Variants in RYR2 observed in about 807,000 individuals in gnomAD.
RYR2 encodes cardiac muscle ryanodine receptor-calcium release channel.
RYR2 carries 227 observed loss-of-function variants against 601.1 expected under a neutral mutation model. The observed-to-expected ratio is 0.38, with a 90% confidence interval of 0.34 to 0.42. RYR2 has a LOEUF of 0.42. Among genes scored for constraint, RYR2 ranks in the 10% least tolerant of loss-of-function variants. The probability of loss-of-function intolerance (pLI) is 1.00; values close to 1 mark genes in which losing one functional copy is unlikely to be tolerated. For synonymous variants in RYR2, 2,223 were observed against 2,175.1 expected, an observed-to-expected ratio of 1.02 and a Z score of -0.61; for missense variants, 4,646 against 6,156.5, an observed-to-expected ratio of 0.75 and a Z score of 8.21.
In RYR2 at chr1:237,512,754, C is replaced by T. The variant is rs1385545918; in HGVS notation, c.2822+963C>T. 2.6e-5 allele frequency among the ~76,000 whole-genome samples: 4 copies of T among 152,114 alleles called. No individual in the cohort carries two copies. In the East Asian group the frequency reaches 7.7e-4, roughly 29 times the overall value. ...TGGGCATAATGGCGCACACCTGAGT[C>T]CCAGCTACTTGGAGGCTGAGGTGGG... On this transcript the variant is annotated intron_variant, in intron 24 of 104. Coordinates refer to ENST00000366574, the MANE Select transcript of RYR2 (RefSeq NM_001035.3).
In RYR2 at chr1:237,093,851, G is replaced by A. The variant is rs142102730; in HGVS notation, c.48+51282G>A. Among the ~76,000 whole-genome samples the A allele has an allele frequency of 2.3e-3, 354 of 152,310 alleles. 1 individual carries two copies. The highest frequency in any genetic ancestry group is 3.6e-3 in the Non-Finnish European group (246 of 68,032). On this transcript the variant is annotated intron_variant, in intron 1 of 104. Coordinates refer to ENST00000366574, the MANE Select transcript of RYR2 (RefSeq NM_001035.3). ...CTGTGTTTCCTGGGGTTCTTCTCAC[G>A]CTGCTGTGAATTAGGCCACCTTGAA... is the stretch of plus-strand genomic sequence containing the variant.
rs1027871812 is a variant in RYR2 at position 237,610,863 on chromosome 1, G to A, written c.4785G>A (p.Leu1595=). The A allele has an allele frequency of 6.2e-7, 1 of 1,613,398 alleles. No individual in the cohort carries two copies. Among genetic ancestry groups the A allele is most frequent in the Admixed American group, 1.7e-5 (1 of 59,948 alleles). The change falls in exon 36 of 105, where the codon CTG becomes CTA. Residue 1595 remains leucine (L), a synonymous_variant. Transcript: ENST00000366574. The surrounding 1 kb of genome is among the most constrained non-coding windows in gnomAD (Gnocchi z 4.9). ...ACGTGCAGTTCCTGTCACACGTCCT[G>A]TGGAGCAGAATGCCCAACCAGTTTT... ...RLHVQFLSHV[L]WSRMPNQFLK...
intron 9 of RYR2, among the ~76,000 whole-genome samples, 197 bp downstream of exon 9, chr1:237,387,577 C>T (rs925686818): frequency 6.6e-6 from 1 of 152,088 alleles, no homozygotes; most frequent in African/African-American, 2.4e-5. Context: ...GATTAATCTT[C>T]CCTTATTTTT....
intron 2 of RYR2, among the ~76,000 whole-genome samples, chr1:237,285,995 G>A (rs918005056): frequency 1.3e-5 from 2 of 151,944 alleles, no homozygotes; most frequent in African/African-American, 4.8e-5. Flanking sequence ...TTTATCTTTT[G>A]TATTTCTTTT....
intron 3 of RYR2, among the ~76,000 whole-genome samples, chr1:237,334,116 C>A (rs1049904303): frequency 6.6e-6 from 1 of 152,074 alleles, no homozygotes; most frequent in Non-Finnish European, 1.5e-5. Context: ...CCATTTAGAA[C>A]CATGCCTTTG....
intron 1 of RYR2, among the ~76,000 whole-genome samples, chr1:237,071,772 C>T (rs1352912906): frequency 1.3e-5 from 2 of 152,198 alleles, no homozygotes; most frequent in Non-Finnish European, 2.9e-5. Context: ...GTCCAAGATG[C>T]CCAGGCTGTG....
chr1:237,161,551 T>G (rs1428812069), intron 1 of RYR2, among the ~76,000 whole-genome samples: 1 of 151,314 alleles, frequency 6.6e-6, no homozygotes, highest in African/African-American at 2.5e-5. Context: ...AGACATCTTT[T>G]TCATGTAAAT....
At chr1:237,607,198 G>A (rs1314728215) in intron 35 of RYR2, among the ~76,000 whole-genome samples, 1 of 152,170 alleles carries the variant, frequency 6.6e-6, no homozygotes, top group East Asian at 1.9e-4. Context: ...TGTTAGACTG[G>A]ATTAAGAAAA....
intron 79 of RYR2, among the ~76,000 whole-genome samples, chr1:237,736,140 A>G (rs747684334): frequency 5.9e-5 from 9 of 152,198 alleles, no homozygotes; most frequent in African/African-American, 1.2e-4. Flanking sequence ...GCTGAAACAC[A>G]TAGTTTAATA....
In RYR2 at chr1:237,270,539, G is replaced by A; in HGVS notation, c.91G>A (p.Glu31Lys). The change falls in exon 2 of 105, where the codon GAA (glutamate) becomes AAA (lysine). Residue 31 changes from glutamate (E) to lysine (K), a missense_variant. Around this residue, in one of 17 missense-constraint regions of RYR2, gnomAD observed 153 missense variants for 203.6 expected, o/e 0.75. Transcript: ENST00000366574. ...GCAGTGCACCGCAACCATCCACAAA[G>A]AACAACAGAAGCTATGCTTGGCAGC... ...VLQCTATIHK[E>K]QQKLCLAAEG... is the part of the protein sequence containing the mutation. 2 of 1,597,442 alleles carry A rather than the reference G, an allele frequency of 1.3e-6. No homozygotes were observed. The highest frequency in any genetic ancestry group is 1.7e-6 in the Non-Finnish European group (2 of 1,171,624).
At chr1:237,654,169 A>C (rs1156711912) in intron 51 of RYR2, 105 bp from the exon 52 acceptor site, 2 of 1,388,528 alleles carry the variant, frequency 1.4e-6, no homozygotes, top group Admixed American at 2.3e-5. Flanking sequence ...ATTTCACTTC[A>C]GATGACCTTA....
intron 35 of RYR2, among the ~76,000 whole-genome samples, chr1:237,608,317 T>C (rs897153781): frequency 6.1e-4 from 93 of 152,258 alleles, no homozygotes; most frequent in African/African-American, 2.2e-3. Context: ...GCGGATGCCG[T>C]AGATGGACTC....
chr1:237,809,357 A>G (rs376146576), intron 100 of RYR2, among the ~76,000 whole-genome samples: 8 of 152,230 alleles, frequency 5.3e-5, no homozygotes, highest in South Asian at 4.1e-4. Context: ...CCCAGAGAAC[A>G]TTTGGAAGCC....
chr1:237,628,404 T>A (rs1271115696), intron 41 of RYR2, among the ~76,000 whole-genome samples: 1 of 141,338 alleles, frequency 7.1e-6, no homozygotes, highest in African/African-American at 2.8e-5. Context: ...CAGAGTCTGA[T>A]GTTCCCCTTC....
chr1:237,206,792 T>G (rs1368645954), intron 1 of RYR2, among the ~76,000 whole-genome samples: 2 of 152,204 alleles, frequency 1.3e-5, no homozygotes, highest in South Asian at 2.1e-4. Flanking sequence ...AATCTACTAT[T>G]GGACACTATC....
At chr1:237,473,598 A>G (rs987385970) in intron 17 of RYR2, among the ~76,000 whole-genome samples, 8 of 152,046 alleles carry the variant, frequency 5.3e-5, no homozygotes, top group Admixed American at 4.6e-4. Context: ...CATGGTGTTC[A>G]GCTGCAAATA....
At chr1:237,113,707 TAAG>T (rs1224993200) in intron 1 of RYR2, among the ~76,000 whole-genome samples, 6 of 152,000 alleles carry the variant, frequency 3.9e-5, no homozygotes, top group Non-Finnish European at 7.4e-5. Flanking sequence ...AGAAAAGAGA[TAAG>T]AACCAGAATT....
At chr1:237,548,720 C>A in intron 26 of RYR2, 130 bp downstream of exon 26, 1 of 1,130,044 alleles carries the variant, frequency 8.8e-7, no homozygotes, top group Non-Finnish European at 1.2e-6. Flanking sequence ...CACATTTGGA[C>A]TAAAACAGCT....
At chr1:237,204,770 A>G (rs917726642) in intron 1 of RYR2, among the ~76,000 whole-genome samples, 1 of 152,202 alleles carries the variant, frequency 6.6e-6, no homozygotes, top group African/African-American at 2.4e-5. Flanking sequence ...CCTAAGTCAG[A>G]GGAGATTCAA....
Sources: allele counts gnomAD v4.1 joint callset (sites outside exome capture counted in the v4.1 genomes callset), GRCh38; gene constraint gnomAD v4.1.1; regional missense constraint gnomAD v4.1.1; non-coding constraint Gnocchi (gnomAD v3.1); transcripts MANE v1.5; gene names NCBI Gene and HGNC (gene_info 2026-07-23, HGNC 2026-07-21).